The following TP53BP1 variants were observed in gnomAD, a reference collection of about 807,000 sequenced individuals.
The protein encoded by TP53BP1 is TP53-binding protein 1.
In TP53BP1, 61 loss-of-function variants were observed where a neutral mutation model predicts 200.8. The observed-to-expected ratio is 0.30, with a 90% CI of 0.25 to 0.38. The LOEUF is 0.38. Ranked by LOEUF, TP53BP1 falls within the 10% of genes least tolerant of loss-of-function variation. The pLI, the probability that TP53BP1 is intolerant of heterozygous loss-of-function variation, is 1.00. For missense variants in TP53BP1, 2,144 were observed against 2,371.9 expected (o/e 0.90, Z 2.00); for synonymous variants, 822 against 844.3 (o/e 0.97, Z 0.46).
rs1325054463 is a variant in TP53BP1 at position 43,421,175 on chromosome 15, C to G, written c.4101-1G>C. On this transcript the variant is annotated splice_acceptor_variant, in intron 19 of 27. Coordinates refer to ENST00000382044, the MANE Select transcript of TP53BP1 (RefSeq NM_001141980.3). LOFTEE classifies it high-confidence loss of function. ...TGTCTGACTGACCCCTTTTCTAGGA[C>G]TAGAGAATGAAGACAAGTTAGTCTG... The G allele has an allele frequency of 1.2e-6, 2 of 1,613,610 alleles. No individual in the cohort carries two copies. The highest frequency in any genetic ancestry group is 1.7e-6 in the Non-Finnish European group (2 of 1,179,762).
At chr15:43,468,183 C>T (rs2140086853) in intron 11 of TP53BP1, among the ~76,000 whole-genome samples, 1 of 152,094 alleles carries the variant, frequency 6.6e-6, no homozygotes, top group African/African-American at 2.4e-5. Flanking sequence ...CCTCAATCTC[C>T]TGAGCAGCTG....
rs2045465549 is a variant in TP53BP1, at chr15:43,423,903, A to G, written c.3829-1777T>C. On this transcript the variant is annotated intron_variant, in intron 18 of 27. Coordinates refer to ENST00000382044, the MANE Select transcript of TP53BP1 (RefSeq NM_001141980.3). ...TCCTTTAAAATCGGTATTTCCCAGG[A>G]CTCTGTTTTTATTCCTTTTCTCACT... Among the ~76,000 whole-genome samples, 3 of 151,330 alleles carry G rather than the reference A, an allele frequency of 2.0e-5. No homozygotes were observed. The South Asian group carries it at 6.3e-4, about 32-fold the overall frequency.
chr15:43,420,710 C>A lies in TP53BP1; in HGVS notation c.4276G>T (p.Gly1426Cys). ...AAGTTAGGTGAAATGTCCTCTATGC[C>A]CAAGGGGCCAGGCACAGCTGTTTCT... ...TRETAVPGPL[G>C]IEDISPNLSP... The change falls in exon 21 of 28, where the codon GGC becomes TGC. Residue 1426 changes from glycine (G) to cysteine (C), a missense_variant. Transcript: ENST00000382044. The A allele has an allele frequency of 6.2e-7, 1 of 1,613,920 alleles. No homozygotes were observed. Among genetic ancestry groups the A allele is most frequent in the Non-Finnish European group, 8.5e-7 (1 of 1,179,892 alleles).
At chr15:43,413,365 G>A (rs2045178250) in intron 23 of TP53BP1, 31 bp from the exon 24 acceptor site, 6 of 1,586,960 alleles carry the variant, frequency 3.8e-6, no homozygotes, top group Non-Finnish European at 5.2e-6. Flanking sequence ...GTTACTAGAG[G>A]GATACACACC....
Position 43,407,307 on chromosome 15 carries a change from A to C in TP53BP1, c.*76T>G. 1.5e-6 allele frequency: 2 copies of C among 1,313,820 alleles called. No homozygotes were observed. Among genetic ancestry groups the C allele is most frequent in the Non-Finnish European group, 2.2e-6 (2 of 925,202 alleles). 81.4% of individuals were successfully genotyped at this position (1,313,820 alleles called of 1,614,324 possible). A position where few individuals can be genotyped will look rare whatever the true frequency, so the allele number is the denominator to read the frequency against. On this transcript the variant is annotated 3_prime_UTR_variant, in exon 28 of 28. Transcript: ENST00000382044. ...ATCCATGCAAGGAATCCAGTTACAC[A>C]CAAGACACATTTAAAACCTGGTTAA...
chr15:43,411,927 G>GA (rs60514865), intron 24 of TP53BP1, among the ~76,000 whole-genome samples: 21 of 150,522 alleles, frequency 1.4e-4, no homozygotes, highest in Non-Finnish European at 2.5e-4. Flanking sequence ...GTAAAAGGGG[G>GA]AAAAAAAAAC....
chr15:43,463,287 G>A (rs1212538647), intron 11 of TP53BP1, among the ~76,000 whole-genome samples: 1 of 152,088 alleles, frequency 6.6e-6, no homozygotes, highest in Non-Finnish European at 1.5e-5. Flanking sequence ...CTATGCAATT[G>A]ACAAGTTTAT....
rs1429344531 is a variant in TP53BP1 at position 43,492,348 on chromosome 15, G to C, written c.128C>G (p.Ser43Cys). 6.2e-7 allele frequency: 1 copy of C among 1,614,020 alleles called. No individual in the cohort carries two copies. Among genetic ancestry groups the C allele is most frequent in the African/African-American group, 1.3e-5 (1 of 74,922 alleles). Residue 43 changes from serine (S) to cysteine (C), a missense_variant, in exon 2 of 28, where the codon TCT (serine) becomes TGT (cysteine). Ser to Cys is a moderately radical substitution (Grantham distance 112). Transcript: ENST00000382044. ...GTGTCGAGATAGCATACTGAAGTGA[G>C]AACCAGAATCATCCTCTAGAACCTG... ...ESQVLEDDSGSHFSMLSRHLP... is the reference protein window; with the variant it reads ...ESQVLEDDSGCHFSMLSRHLP...
intron 16 of TP53BP1, 113 bp from the exon 17 acceptor site, chr15:43,432,790 C>T: frequency 8.3e-7 from 1 of 1,200,620 alleles, no homozygotes; most frequent in Non-Finnish European, 1.1e-6. Flanking sequence ...CATATTTTGA[C>T]AATTTGAGAA....
chr15:43,404,992 A>T lies in TP53BP1; in HGVS notation c.*2391T>A, dbSNP rs1056134052. 4 of 587,000 alleles carry T rather than the reference A, an allele frequency of 6.8e-6. No individual in the cohort carries two copies. Among genetic ancestry groups the T allele is most frequent in the African/African-American group, 3.8e-5 (2 of 52,868 alleles). 36.4% of individuals were successfully genotyped at this position (587,000 alleles called of 1,614,324 possible). A position where few individuals can be genotyped will look rare whatever the true frequency, so the allele number is the denominator to read the frequency against. Reference sequence around the variant, plus strand: ...GTAGCTGGCTTCCCAGAGGTCTGTCATTCCCATTCAGAAAATCACTTCATT... The same window carrying T: ...GTAGCTGGCTTCCCAGAGGTCTGTCTTTCCCATTCAGAAAATCACTTCATT... On this transcript the variant is annotated 3_prime_UTR_variant, in exon 28 of 28. Coordinates refer to ENST00000382044, the MANE Select transcript of TP53BP1 (RefSeq NM_001141980.3).
chr15:43,506,769 A>G (rs2079239329), intron 1 of TP53BP1, among the ~76,000 whole-genome samples: 1 of 152,232 alleles, frequency 6.6e-6, no homozygotes, highest in African/African-American at 2.4e-5. Context: ...ACAATCATGC[A>G]TATCACAGGT....
rs1161468361 is a variant in TP53BP1 at position 43,407,251 on chromosome 15, TA to T, written c.*131del. 1.3e-5 allele frequency: 10 copies of T among 747,212 alleles called. No homozygotes were observed. The East Asian group carries it at 2.1e-4, about 16-fold the overall frequency. 46.3% of individuals were successfully genotyped at this position (747,212 alleles called of 1,614,324 possible). A position where few individuals can be genotyped will look rare whatever the true frequency, so the allele number is the denominator to read the frequency against. On this transcript the variant is annotated 3_prime_UTR_variant, in exon 28 of 28. Transcript: ENST00000382044. ...AAGAGATTCAACATTTATTTTATCATAAAAGTTCAGCAAATAAAACTATATA... is the reference window on the plus strand; with the variant it reads ...AAGAGATTCAACATTTATTTTATCATAAAGTTCAGCAAATAAAACTATATA...
chr15:43,459,324 G>GA (rs1398418031), intron 11 of TP53BP1, among the ~76,000 whole-genome samples: 2 of 152,074 alleles, frequency 1.3e-5, no homozygotes, highest in East Asian at 3.9e-4. Context: ...GCGACAGAGC[G>GA]AGAGTCTGTC....
chr15:43,500,318 A>G (rs563164201), intron 1 of TP53BP1, among the ~76,000 whole-genome samples: 2 of 152,338 alleles, frequency 1.3e-5, no homozygotes, highest in South Asian at 4.1e-4. Flanking sequence ...TTTTATTAAC[A>G]GAAAAAATTT....
chr15:43,409,031 C>A lies in TP53BP1; in HGVS notation c.5466G>T (p.Leu1822=). ...CACAAGGAATCCCACTGGCAAGGCA[C>A]AGGAAGTACTTCCGGGTTCGACAAT... ...DQHCRTRKYF[L]CLASGIPCVS... Residue 1822 remains leucine, a synonymous_variant, in exon 26 of 28, where the codon CTG becomes CTT. Transcript: ENST00000382044. 1.9e-6 allele frequency: 3 copies of A among 1,614,186 alleles called. No individual in the cohort carries two copies. Among genetic ancestry groups the A allele is most frequent in the Non-Finnish European group, 2.5e-6 (3 of 1,180,010 alleles).
Position 43,492,014 on chromosome 15 carries a change from T to C in TP53BP1, c.274A>G (p.Asn92Asp). The C allele has an allele frequency of 6.2e-7, 1 of 1,613,824 alleles. No homozygotes were observed. The stretch of plus-strand genomic sequence containing the variant: ...TTAAACACCTCACCTGCAACCTTGT[T>C]TTCTTTCAAATGTTCATTGAACCCA... ...NSGFNEHLKE[N>D]KVADPVDSSN... Residue 92 changes from asparagine (N) to aspartate (D), a missense_variant, in exon 3 of 28, where the codon AAC becomes GAC. This residue lies in a region of TP53BP1 where 1,700 missense variants were observed against 1,710.3 expected (regional missense o/e 0.99). Coordinates refer to ENST00000382044, the MANE Select transcript of TP53BP1 (RefSeq NM_001141980.3).
upstream of TP53BP1, chr15:43,497,405 T>C (rs1363267960): frequency 1.0e-6 from 1 of 985,236 alleles, no homozygotes; most frequent in Non-Finnish European, 1.2e-6. Context: ...ATTACCTCAT[T>C]ATCTTTGACG....
Position 43,404,873 on chromosome 15 carries a change from C to T in TP53BP1, c.*2510G>A, listed in dbSNP as rs1265164748. On this transcript the variant is annotated 3_prime_UTR_variant, in exon 28 of 28. Coordinates refer to ENST00000382044, the MANE Select transcript of TP53BP1 (RefSeq NM_001141980.3). ...ACTAGCTGTGCAGCCGTGGGCACCCCGCCTTGCTGGTCCCTAGCTTCCGCA... is the reference window on the plus strand; with the variant it reads ...ACTAGCTGTGCAGCCGTGGGCACCCTGCCTTGCTGGTCCCTAGCTTCCGCA... The T allele has an allele frequency of 3.7e-5, 18 of 484,612 alleles. No homozygotes were observed. The highest frequency in any genetic ancestry group is 2.2e-4 in the East Asian group (6 of 27,716). 30.0% of individuals were successfully genotyped at this position (484,612 alleles called of 1,614,324 possible).
Position 43,475,571 on chromosome 15 carries a change from A to G in TP53BP1, c.1079T>C (p.Leu360Pro), listed in dbSNP as rs2078868100. ...CTATTTTAGGCTTACTTACGTGGAA[A>G]GACTGTCCTGAACAAGGGACCTCTG... ...SGQRSLVQDS[L>P]STNSSDLVAP... The change falls in exon 9 of 28, where the codon CTT becomes CCT. Residue 360 changes from leucine to proline, a missense_variant. Coordinates refer to ENST00000382044, the MANE Select transcript of TP53BP1 (RefSeq NM_001141980.3). 1 of 1,614,000 alleles carries G rather than the reference A, an allele frequency of 6.2e-7. No homozygotes were observed. Among genetic ancestry groups the G allele is most frequent in the African/African-American group, 1.3e-5 (1 of 74,942 alleles).
Sources: gnomAD v4.1 joint callset for allele counts (sites outside exome capture counted in the v4.1 genomes callset) on GRCh38, gnomAD v4.1.1 for gene constraint, gnomAD v4.1.1 regional missense constraint, MANE v1.5 for transcripts, NCBI Gene and HGNC (gene_info 2026-07-23, HGNC 2026-07-21) for gene names.